Variants in PSMG4 observed in about 807,000 individuals in gnomAD.
The protein encoded by PSMG4 is proteasome assembly chaperone 4, also known as proteasome (prosome, macropain) assembly chaperone 4.
In PSMG4, 10 loss-of-function variants were observed where a neutral mutation model predicts 11.0. The observed-to-expected ratio is 0.91, with a 90% CI of 0.56 to 1.54. The LOEUF is 1.54. Among genes scored for constraint, PSMG4 ranks in the 40% most tolerant of loss-of-function variants. PSMG4 has a pLI of 0.00. For synonymous variants in PSMG4, 95 were observed against 71.3 expected, an observed-to-expected ratio of 1.33 and a Z score of -1.68; for missense variants, 198 against 160.9, an observed-to-expected ratio of 1.23 and a Z score of -1.25.
rs937220461 is a variant in PSMG4 at position 3,263,554 on chromosome 6, G to A, written c.175-130G>A. 7.6e-5 allele frequency: 55 copies of A among 723,262 alleles called. No homozygotes were observed. Among genetic ancestry groups the A allele is most frequent in the Admixed American group, 1.0e-4 (3 of 29,328 alleles). The allele number at this position is 723,262 out of a possible 1,614,324, so 44.8% of individuals were successfully genotyped here. On this transcript the variant is annotated intron_variant, in intron 1 of 2. Transcript: ENST00000438998. ...GACGGACGCCACCCCTCTTTCCCTC[G>A]GCACCTGTGCCTGTCCTCTCTGAAC...
upstream of PSMG4, among the ~76,000 whole-genome samples, chr6:3,256,689 G>A (rs1757778746): frequency 6.6e-6 from 1 of 152,214 alleles, no homozygotes; most frequent in African/African-American, 2.4e-5. Flanking sequence ...CGCCCTTGCA[G>A]TAGGCAGGGT....
chr6:3,266,780 T>C (rs1185974595), intron 2 of PSMG4: 2 of 151,944 alleles, frequency 1.3e-5, no homozygotes, highest in Non-Finnish European at 2.9e-5. Flanking sequence ...TGCAAATGCA[T>C]GGAAACGTAG....
At chr6:3,254,700 G>C (rs1757684287), upstream of PSMG4, among the ~76,000 whole-genome samples, 1 of 149,150 alleles carries the variant, frequency 6.7e-6, no homozygotes, top group Non-Finnish European at 1.5e-5. Context: ...GAAAGAAGCT[G>C]TGGGATGCGC....
upstream of PSMG4, among the ~76,000 whole-genome samples, chr6:3,254,408 G>T (rs1236816080): frequency 6.6e-6 from 1 of 152,140 alleles, no homozygotes; most frequent in Non-Finnish European, 1.5e-5. Context: ...GCTGTTGGTG[G>T]CACATCTGAG....
chr6:3,263,704 C>T lies in PSMG4; in HGVS notation c.195C>T (p.Thr65=), dbSNP rs779681634. 36 of 1,550,434 alleles carry T rather than the reference C, an allele frequency of 2.3e-5. No homozygotes were observed. The highest frequency in any genetic ancestry group is 5.5e-5 in the African/African-American group (4 of 73,130). Residue 65 remains threonine (T), a synonymous_variant, in exon 2 of 3, where the codon ACC becomes ACT. Coordinates refer to ENST00000438998, the MANE Select transcript of PSMG4 (RefSeq NM_001128591.2). ...TTTAGGACTCCATCCCCGTGTCTACCTCCCTCCTTGGAGACACTTCCGACA... is the reference window on the plus strand; with the variant it reads ...TTTAGGACTCCATCCCCGTGTCTACTTCCCTCCTTGGAGACACTTCCGACA... The part of the protein sequence containing the change: ...CSRYDSIPVS[T]SLLGDTSDTT...
At chr6:3,254,451 C>CTT (rs5873867), upstream of PSMG4, among the ~76,000 whole-genome samples, 9,817 of 151,800 alleles carry the variant, frequency 0.065, 422 homozygotes, top group Non-Finnish European at 0.089. Context: ...TAGTTTTCTG[C>CTT]TTTTTTTGTG....
upstream of PSMG4, chr6:3,255,319 A>G (rs1757723896): frequency 2.7e-6 from 4 of 1,500,736 alleles, no homozygotes; most frequent in Non-Finnish European, 3.6e-6. Flanking sequence ...GGATGAGGCT[A>G]ACGGCAACTG....
upstream of PSMG4, chr6:3,255,186 T>A: frequency 6.4e-7 from 1 of 1,550,664 alleles, no homozygotes; most frequent in South Asian, 1.2e-5. Context: ...TGCGCTCTGG[T>A]GGAAGTAGGA....
chr6:3,264,365 CCTG>C, intron 2 of PSMG4: 1 of 1,536,340 alleles, frequency 6.5e-7, no homozygotes, highest in East Asian at 2.4e-5. Flanking sequence ...AGCCCCAGTG[CCTG>C]TGGCCAGTGT....
chr6:3,263,704 C>G lies in PSMG4; in HGVS notation c.195C>G (p.Thr65=), dbSNP rs779681634. 1 of 1,550,434 alleles carries G rather than the reference C, an allele frequency of 6.4e-7. No homozygotes were observed. Among genetic ancestry groups the G allele is most frequent in the Non-Finnish European group, 8.7e-7 (1 of 1,146,398 alleles). Residue 65 remains threonine (T), a synonymous_variant, in exon 2 of 3, where the codon ACC becomes ACG. Transcript: ENST00000438998. ...TTTAGGACTCCATCCCCGTGTCTAC[C>G]TCCCTCCTTGGAGACACTTCCGACA... ...CSRYDSIPVS[T]SLLGDTSDTT...
intron 1 of PSMG4, among the ~76,000 whole-genome samples, chr6:3,261,055 G>T (rs1326036205): frequency 6.6e-5 from 10 of 152,234 alleles, no homozygotes; most frequent in African/African-American, 2.4e-4. Context: ...AGTCCCTGTG[G>T]AATGAATGAG....
upstream of PSMG4, among the ~76,000 whole-genome samples, chr6:3,256,378 C>T (rs1385604940): frequency 1.3e-5 from 2 of 152,190 alleles, no homozygotes; most frequent in Admixed American, 6.5e-5. Flanking sequence ...ATTTTCTGTT[C>T]CTGTATGGAT....
chr6:3,254,982 A>C (rs1581539671), upstream of PSMG4: 3 of 1,490,152 alleles, frequency 2.0e-6, no homozygotes, highest in Non-Finnish European at 2.7e-6. Flanking sequence ...GTGGCTGTGG[A>C]TCCCATGGAC....
upstream of PSMG4, among the ~76,000 whole-genome samples, chr6:3,254,479 A>C (rs183472074): frequency 6.6e-6 from 1 of 151,244 alleles, no homozygotes; most frequent in African/African-American, 2.4e-5. Flanking sequence ...TTAGATAAAT[A>C]TTGTTGCTGG....
chr6:3,255,090 T>C (rs562251038), upstream of PSMG4: 6 of 1,550,850 alleles, frequency 3.9e-6, no homozygotes, highest in South Asian at 3.6e-5. Flanking sequence ...TCCTAAGAAG[T>C]TGGCTGCATA....
intron 1 of PSMG4, 135 bp from the exon 2 acceptor site, chr6:3,263,549 C>G: frequency 1.4e-6 from 1 of 697,800 alleles, no homozygotes; most frequent in Non-Finnish European, 2.3e-6. Flanking sequence ...ACCCCTCTTT[C>G]CCTCGGCACC....
chr6:3,254,835 T>G (rs982251703), upstream of PSMG4, among the ~76,000 whole-genome samples: 10 of 152,118 alleles, frequency 6.6e-5, no homozygotes, highest in Non-Finnish European at 2.9e-5. Context: ...CAGTGGGACC[T>G]TAGAAAACAC....
upstream of PSMG4, chr6:3,255,164 A>C (rs1228964172): frequency 6.4e-7 from 1 of 1,550,782 alleles, no homozygotes; most frequent in African/African-American, 1.4e-5. Context: ...GGCCATACTG[A>C]CGGCTTACAT....
chr6:3,255,214 A>T, upstream of PSMG4: 1 of 1,550,070 alleles, frequency 6.5e-7, no homozygotes, highest in Non-Finnish European at 8.7e-7. Context: ...TGGCAGCAGG[A>T]GCAAAATCAA....
Sources: gnomAD v4.1 joint callset for allele counts (sites outside exome capture counted in the v4.1 genomes callset) on GRCh38, gnomAD v4.1.1 for gene constraint, MANE v1.5 for transcripts, NCBI Gene and HGNC (gene_info 2026-07-23, HGNC 2026-07-21) for gene names.